Variants in ARL14EPL observed in about 807,000 individuals in gnomAD.
ARL14EPL encodes the protein ARF like GTPase 14 effector protein like, also known as ARL14 effector protein-like.
Under a neutral mutation model 15.9 loss-of-function variants are expected in ARL14EPL, and 17 were observed. That is an observed-to-expected ratio of 1.07 (90% CI 0.73 to 1.60). The LOEUF (loss-of-function observed/expected upper bound fraction) is 1.60. ARL14EPL is among the 40% of genes most tolerant of loss of function. The pLI is 0.00. For synonymous variants in ARL14EPL, 78 were observed against 63.8 expected (o/e 1.22, Z -1.06); for missense variants, 214 against 185.9 (o/e 1.15, Z -0.88).
At chr5:116,044,774 C>G (rs960190799) in intron 1 of ARL14EPL, among the ~76,000 whole-genome samples, 2 of 152,054 alleles carry the variant, frequency 1.3e-5, no homozygotes, top group Non-Finnish European at 2.9e-5. Flanking sequence ...TCATTTTCTA[C>G]CTCCCCTCGT....
At chr5:116,048,414 T>C (rs919671123) in intron 1 of ARL14EPL, among the ~76,000 whole-genome samples, 1 of 152,138 alleles carries the variant, frequency 6.6e-6, no homozygotes, top group African/African-American at 2.4e-5. Flanking sequence ...CAGTTCTTAA[T>C]CTTATTTTTG....
intron 1 of ARL14EPL, among the ~76,000 whole-genome samples, chr5:116,035,522 T>A (rs753709101): frequency 1.3e-5 from 2 of 152,194 alleles, no homozygotes; most frequent in Non-Finnish European, 2.9e-5. Flanking sequence ...GGAATGGGTA[T>A]TGGAGAACCA....
chr5:116,047,689 C>A (rs1204933612), intron 1 of ARL14EPL, among the ~76,000 whole-genome samples: 1 of 152,164 alleles, frequency 6.6e-6, no homozygotes, highest in Non-Finnish European at 1.5e-5. Flanking sequence ...TAAGGCAGGA[C>A]CCTCTCTGGA....
chr5:116,041,972 G>T (rs192316988), intron 1 of ARL14EPL, among the ~76,000 whole-genome samples: 2 of 152,070 alleles, frequency 1.3e-5, no homozygotes, highest in Admixed American at 6.5e-5. Flanking sequence ...GGGATTACAG[G>T]CATGAGCCAC....
chr5:116,052,422 A>C (rs1018374372), intron 2 of ARL14EPL: 1 of 631,180 alleles, frequency 1.6e-6, no homozygotes, highest in East Asian at 2.8e-5. Context: ...GTATGTATTA[A>C]CTCATCTAAT....
At position 116,058,837 on chromosome 5, in the gene ARL14EPL, T is replaced by TC; in HGVS notation, c.351dup (p.Asn118GlnfsTer21). Reference sequence around the variant, plus strand: ...CTTCTACCCATGCCCGAAGTGTAACTCCAACAAGTGTGGGCCCGAGTGCCG... The same window carrying TC: ...CTTCTACCCATGCCCGAAGTGTAACTCCCAACAAGTGTGGGCCCGAGTGCCG... On this transcript the variant is annotated frameshift_variant, in exon 4 of 4. Transcript: ENST00000686077. LOFTEE classifies it high-confidence loss of function. The TC allele has an allele frequency of 1.3e-6, 2 of 1,536,064 alleles. No homozygotes were observed. Among genetic ancestry groups the TC allele is most frequent in the South Asian group, 2.4e-5 (2 of 84,062 alleles).
intron 1 of ARL14EPL, among the ~76,000 whole-genome samples, chr5:116,048,973 A>G (rs1561578925): frequency 6.6e-6 from 1 of 152,206 alleles, no homozygotes; most frequent in East Asian, 1.9e-4. Flanking sequence ...TTATGTACTG[A>G]TAAACCCAAA....
At chr5:116,050,212 A>G (rs1749343876) in intron 1 of ARL14EPL, among the ~76,000 whole-genome samples, 3 of 152,236 alleles carry the variant, frequency 2.0e-5, no homozygotes, top group Admixed American at 2.0e-4. Flanking sequence ...GCACTTAGGT[A>G]ATGAGCATCA....
At chr5:116,045,962 T>G (rs1341911565) in intron 1 of ARL14EPL, among the ~76,000 whole-genome samples, 2 of 152,060 alleles carry the variant, frequency 1.3e-5, no homozygotes, top group African/African-American at 4.8e-5. Context: ...TGTCTTGTGG[T>G]TTTGAAAACA....
intron 1 of ARL14EPL, among the ~76,000 whole-genome samples, chr5:116,034,164 C>T (rs1749008011): frequency 6.6e-6 from 1 of 152,128 alleles, no homozygotes; most frequent in Non-Finnish European, 1.5e-5. Context: ...GAAATGATCA[C>T]CTTGTCTTTG....
At chr5:116,057,111 C>G (rs1749535022) in intron 3 of ARL14EPL, among the ~76,000 whole-genome samples, 1 of 152,206 alleles carries the variant, frequency 6.6e-6, no homozygotes. Context: ...GGATGCAAGG[C>G]TGGTTCAACA....
intron 1 of ARL14EPL, among the ~76,000 whole-genome samples, chr5:116,045,927 G>A (rs762167493): frequency 1.3e-5 from 2 of 152,158 alleles, no homozygotes; most frequent in Non-Finnish European, 2.9e-5. Flanking sequence ...AGGACAAATG[G>A]CAGTGGAGAT....
intron 3 of ARL14EPL, among the ~76,000 whole-genome samples, chr5:116,057,003 G>A (rs2112683093): frequency 6.6e-6 from 1 of 152,296 alleles, no homozygotes; most frequent in East Asian, 1.9e-4. Context: ...TATCCCTGAT[G>A]AACATCAATG....
chr5:116,036,314 TA>T (rs1749049214), intron 1 of ARL14EPL, among the ~76,000 whole-genome samples: 1 of 152,204 alleles, frequency 6.6e-6, no homozygotes, highest in African/African-American at 2.4e-5. Flanking sequence ...TGAAAGCTTC[TA>T]AAACACATAC....
intron 1 of ARL14EPL, among the ~76,000 whole-genome samples, chr5:116,040,735 A>G (rs1749135542): frequency 1.3e-5 from 2 of 150,906 alleles, no homozygotes; most frequent in East Asian, 1.9e-4. Context: ...GCTGTTTGGG[A>G]GGCCAAGGTG....
chr5:116,036,070 C>T (rs965422458), intron 1 of ARL14EPL, among the ~76,000 whole-genome samples: 4 of 152,178 alleles, frequency 2.6e-5, no homozygotes, highest in African/African-American at 9.7e-5. Flanking sequence ...CAAAGCAGAG[C>T]ATTAAAAGGT....
intron 2 of ARL14EPL, among the ~76,000 whole-genome samples, chr5:116,052,680 G>A (rs1243874371): frequency 1.4e-5 from 1 of 72,068 alleles, no homozygotes; most frequent in African/African-American, 4.3e-5. Flanking sequence ...TTAAGTTTAT[G>A]AAACAACCAT....
At chr5:116,040,770 A>T (rs111517415) in intron 1 of ARL14EPL, among the ~76,000 whole-genome samples, 1 of 149,962 alleles carries the variant, frequency 6.7e-6, no homozygotes. Context: ...TCATATCGAG[A>T]CCATCCTGGC....
In ARL14EPL at chr5:116,058,961, T is replaced by C. The variant is rs569991344; in HGVS notation, c.*14T>C. On this transcript the variant is annotated 3_prime_UTR_variant, in exon 4 of 4. Coordinates refer to ENST00000686077, the MANE Select transcript of ARL14EPL (RefSeq NM_001195581.2). The stretch of plus-strand genomic sequence containing the variant: ...GTTCCTGACTAGGTGCTCTTGTATA[T>C]GGACTGATTTGTTTCTTCTTCTTAC... 1.1e-5 allele frequency: 17 copies of C among 1,529,612 alleles called. No individual in the cohort carries two copies. Among genetic ancestry groups the C allele is most frequent in the Middle Eastern group, 3.4e-4 (2 of 5,968 alleles). The allele number at this position is 1,529,612 out of a possible 1,614,324, so 94.8% of individuals were successfully genotyped here.
Sources: gnomAD v4.1 joint callset for allele counts (sites outside exome capture counted in the v4.1 genomes callset) on GRCh38, gnomAD v4.1.1 for gene constraint, MANE v1.5 for transcripts, NCBI Gene and HGNC (gene_info 2026-07-23, HGNC 2026-07-21) for gene names.